FAM133A: variants seen among roughly 807,000 people sequenced by gnomAD.
FAM133A encodes the protein protein FAM133A.
For synonymous variants in FAM133A, 65 were observed against 58.6 expected (o/e 1.11, Z -0.50); for missense variants, 159 against 164.4 (o/e 0.97, Z 0.18).
intron 2 of FAM133A, among the ~76,000 whole-genome samples, chrX:93,688,294 G>C (rs1925672101): frequency 9.1e-6 from 1 of 110,249 alleles, no homozygotes; most frequent in African/African-American, 3.3e-5. Flanking sequence ...TAGTGTGTAA[G>C]GATTGCCTTT....
chrX:93,690,811 T>C (rs1391187656), intron 2 of FAM133A, among the ~76,000 whole-genome samples: 1 of 111,884 alleles, frequency 8.9e-6, no homozygotes, highest in Non-Finnish European at 1.9e-5. Context: ...TATTTTCCAA[T>C]GTGGCTGTAC....
intron 3 of FAM133A, among the ~76,000 whole-genome samples, chrX:93,701,620 G>C (rs1320262210): frequency 1.8e-5 from 2 of 111,799 alleles, no homozygotes; most frequent in Non-Finnish European, 3.8e-5. Context: ...TAGGGCTCTA[G>C]AGCAAAATCT....
chrX:93,685,920 C>G (rs1925480869), intron 2 of FAM133A, among the ~76,000 whole-genome samples: 1 of 109,988 alleles, frequency 9.1e-6, no homozygotes, highest in Admixed American at 9.8e-5. Context: ...ACCAGCCTGG[C>G]CAACATGGTG....
At chrX:93,693,350 TGA>T (rs770514811) in intron 2 of FAM133A, among the ~76,000 whole-genome samples, 1 of 108,767 alleles carries the variant, frequency 9.2e-6, no homozygotes, top group East Asian at 2.9e-4. Flanking sequence ...CCTAAAAGCT[TGA>T]GAGAGAGAGA....
chrX:93,709,369 T>C lies in FAM133A; in HGVS notation c.-51T>C. On this transcript the variant is annotated 5_prime_UTR_variant, in exon 4 of 4. Coordinates refer to ENST00000683942, the MANE Select transcript of FAM133A (RefSeq NM_001171109.2). Reference sequence around the variant, plus strand: ...ATAAAGAATTTAAGGCGAGTATCTATCTTTGTTCTCCTTGGCAACTGAGAG... The same window carrying C: ...ATAAAGAATTTAAGGCGAGTATCTACCTTTGTTCTCCTTGGCAACTGAGAG... 1 of 1,090,855 alleles carries C rather than the reference T, an allele frequency of 9.2e-7. No individual in the cohort carries two copies. The highest frequency in any genetic ancestry group is 2.9e-5 in the South Asian group (1 of 34,678). The allele number at this position is 1,090,855 out of a possible 1,213,427, so 89.9% of individuals were successfully genotyped here. A position where few individuals can be genotyped will look rare whatever the true frequency, so the allele number is the denominator to read the frequency against.
intron 2 of FAM133A, among the ~76,000 whole-genome samples, chrX:93,679,988 A>G (rs1292242777): frequency 1.1e-4 from 10 of 88,103 alleles, no homozygotes; most frequent in Non-Finnish European, 1.9e-4. Context: ...CATATTAGCC[A>G]GGATGGTCTC....
rs936019758 is a variant in FAM133A at position 93,711,545 on chromosome X, T to C, written c.*1379T>C. ...ATTTGTGTCTCAAAACCACCTGTGA[T>C]GGAGGATGTGCTAATTGTAATGTCA... On this transcript the variant is annotated 3_prime_UTR_variant, in exon 4 of 4. Transcript: ENST00000683942. 3 of 123,010 alleles carry C rather than the reference T, an allele frequency of 2.4e-5. No homozygotes were observed. The highest frequency in any genetic ancestry group is 9.8e-5 in the African/African-American group (3 of 30,760). The allele number at this position is 123,010 out of a possible 1,213,427, so 10.1% of individuals were successfully genotyped here.
chrX:93,684,507 T>TA (rs1925383350), intron 2 of FAM133A, among the ~76,000 whole-genome samples: 1 of 111,711 alleles, frequency 9.0e-6, no homozygotes, highest in Non-Finnish European at 1.9e-5. Context: ...TCTCAATATG[T>TA]AAAAAAGATG....
intron 2 of FAM133A, among the ~76,000 whole-genome samples, chrX:93,678,865 T>C (rs1226268707): frequency 8.9e-6 from 1 of 111,806 alleles, no homozygotes; most frequent in Non-Finnish European, 1.9e-5. Context: ...TAGATGCATT[T>C]GGGAAAGAAT....
At position 93,710,065 on chromosome X, in the gene FAM133A, G is replaced by A; in HGVS notation, c.646G>A (p.Glu216Lys). Residue 216 changes from glutamate to lysine, a missense_variant, in exon 4 of 4, where the codon GAA becomes AAA. Transcript: ENST00000683942. ...AAAGAAGAGAAGGTGTGAAGAGCGA[G>A]AACAAGCAAAGGAAAAAGTAAAGAA... is the stretch of plus-strand genomic sequence containing the variant. Reference protein sequence around the residue: ...AKKKRRCEEREQAKEKVKKKK... With the variant: ...AKKKRRCEERKQAKEKVKKKK... 8.3e-7 allele frequency: 1 copy of A among 1,200,760 alleles called. No individual in the cohort carries two copies. The highest frequency in any genetic ancestry group is 1.1e-6 in the Non-Finnish European group (1 of 889,318).
In FAM133A at chrX:93,690,576, A is replaced by C. The variant is rs756585741; in HGVS notation, c.-192-7821A>C. Among the ~76,000 whole-genome samples, 4 of 112,117 alleles carry C rather than the reference A, an allele frequency of 3.6e-5. No homozygotes were observed. The South Asian group carries it at 1.5e-3, about 41-fold the overall frequency. ...TTTTTCTTTTTAATTGATGAATACT[A>C]TTCCATTGTATGACTGTATCACATT... On this transcript the variant is annotated intron_variant, in intron 2 of 3. Transcript: ENST00000683942.
At chrX:93,705,646 C>T (rs1205002236) in intron 3 of FAM133A, among the ~76,000 whole-genome samples, 1 of 110,919 alleles carries the variant, frequency 9.0e-6, no homozygotes, top group African/African-American at 3.3e-5. Flanking sequence ...CATCTTTCTC[C>T]CTTTTACCTC....
At chrX:93,695,400 C>T (rs1038675707) in intron 2 of FAM133A, among the ~76,000 whole-genome samples, 2 of 109,507 alleles carry the variant, frequency 1.8e-5, no homozygotes, top group Non-Finnish European at 3.8e-5. Flanking sequence ...ATTACAGGCG[C>T]GTGCCACCAC....
At chrX:93,689,462 T>C (rs1398163666) in intron 2 of FAM133A, among the ~76,000 whole-genome samples, 1 of 112,310 alleles carries the variant, frequency 8.9e-6, no homozygotes, top group Admixed American at 9.5e-5. Flanking sequence ...TAAGTATTTA[T>C]TGACTTAGAA....
At chrX:93,680,358 G>T (rs759308553) in intron 2 of FAM133A, among the ~76,000 whole-genome samples, 1 of 111,111 alleles carries the variant, frequency 9.0e-6, no homozygotes, top group African/African-American at 3.3e-5. Context: ...TGGACACTTA[G>T]GTTTATTCCA....
At chrX:93,702,179 A>T (rs1926748579) in intron 3 of FAM133A, among the ~76,000 whole-genome samples, 1 of 111,861 alleles carries the variant, frequency 8.9e-6, no homozygotes, top group African/African-American at 3.3e-5. Context: ...TCCCAATAGC[A>T]ATAAGCACAC....
At chrX:93,698,936 T>C (rs1403713006) in intron 3 of FAM133A, among the ~76,000 whole-genome samples, 3 of 111,160 alleles carry the variant, frequency 2.7e-5, no homozygotes, top group Non-Finnish European at 5.7e-5. Flanking sequence ...ATTACACAAA[T>C]AATTAGAGTA....
chrX:93,707,580 C>T (rs995252269), intron 3 of FAM133A, among the ~76,000 whole-genome samples: 6 of 111,231 alleles, frequency 5.4e-5, no homozygotes, highest in Non-Finnish European at 1.1e-4. Flanking sequence ...GCAAACTTAC[C>T]TCCTTCCCCC....
chrX:93,701,095 A>G (rs1926666290), intron 3 of FAM133A, among the ~76,000 whole-genome samples: 1 of 111,539 alleles, frequency 9.0e-6, no homozygotes, highest in African/African-American at 3.3e-5. Flanking sequence ...CATATTTTAG[A>G]TTGCAAATCG....
Sources: allele counts gnomAD v4.1 joint callset (sites outside exome capture counted in the v4.1 genomes callset), GRCh38; gene constraint gnomAD v4.1.1; transcripts MANE v1.5; gene names NCBI Gene and HGNC (gene_info 2026-07-23, HGNC 2026-07-21).